The following COL4A4 variants were observed in gnomAD, a reference collection of about 807,000 sequenced individuals.
COL4A4 encodes the protein collagen type IV alpha 4 chain, also known as collagen alpha-4(IV) chain.
COL4A4 carries 105 observed loss-of-function variants against 192.9 expected under a neutral mutation model. The observed-to-expected ratio is 0.54, with a 90% CI of 0.46 to 0.64. The LOEUF is 0.64. Among genes scored for constraint, COL4A4 ranks in the 30% least tolerant of loss-of-function variants. The pLI is 0.00. For synonymous variants in COL4A4, 762 were observed against 769.9 expected (o/e 0.99, Z 0.17); for missense variants, 1,967 against 2,169.3 (o/e 0.91, Z 1.85).
chr2:227,008,345 C>T lies in COL4A4; in HGVS notation c.4523-41G>A, dbSNP rs749719505. 2.5e-6 allele frequency: 4 copies of T among 1,604,380 alleles called. No homozygotes were observed. The South Asian group carries it at 4.4e-5, about 18-fold the overall frequency. On this transcript the variant is annotated intron_variant, in intron 46 of 47. Transcript: ENST00000396625. ...AGAGACAGCTGGTGTCCAAGCACCC[C>T]ATGTAGGTGTTCCCAGACCCTTCCT...
At chr2:226,969,159 G>A in the COL4A4 span, 1 of 154,642 alleles carries the variant, frequency 6.5e-6, no homozygotes, top group Non-Finnish European at 1.4e-5. Flanking sequence ...GGTGGCAGTA[G>A]CATTGGTGAG....
In COL4A4 at chr2:227,012,357, C is replaced by T. The variant is rs147458871; in HGVS notation, c.4217-60G>A. The stretch of plus-strand genomic sequence containing the variant: ...AACCATGACACCTGCTAGCATTTAC[C>T]GTGCTTATACCGTATGCCAGCCGTG... On this transcript the variant is annotated intron_variant, in intron 44 of 47. Coordinates refer to ENST00000396625, the MANE Select transcript of COL4A4 (RefSeq NM_000092.5). The T allele has an allele frequency of 1.6e-4, 221 of 1,341,502 alleles. No individual in the cohort carries two copies. The African/African-American group carries it at 2.3e-3, about 14-fold the overall frequency. The allele number at this position is 1,341,502 out of a possible 1,614,324, so 83.1% of individuals were successfully genotyped here.
chr2:227,081,916 T>A (rs1050158755), intron 23 of COL4A4, among the ~76,000 whole-genome samples, 199 bp downstream of exon 23: 4 of 152,208 alleles, frequency 2.6e-5, no homozygotes, highest in Non-Finnish European at 4.4e-5. Context: ...AAGGAATATT[T>A]ATGTTTTCAA....
At chr2:227,128,450 A>C (rs766821106) in intron 4 of COL4A4, among the ~76,000 whole-genome samples, 1 of 151,968 alleles carries the variant, frequency 6.6e-6, no homozygotes, top group Non-Finnish European at 1.5e-5. Flanking sequence ...TATATCCCCA[A>C]CTGTTTTCTA....
Position 227,047,470 on chromosome 2 carries a change from T to C in COL4A4, c.3289+5A>G. 1 of 1,610,778 alleles carries C rather than the reference T, an allele frequency of 6.2e-7. No homozygotes were observed. The highest frequency in any genetic ancestry group is 1.1e-5 in the South Asian group (1 of 90,994). Reference sequence around the variant, plus strand: ...TGTTTTAGTAAGAAAAATATGCAGCTATACCTGGACATCCAGGGCTACCTG... The same window carrying C: ...TGTTTTAGTAAGAAAAATATGCAGCCATACCTGGACATCCAGGGCTACCTG... On this transcript the variant is annotated splice_donor_5th_base_variant and intron_variant, in intron 35 of 47. Transcript: ENST00000396625.
Position 227,041,858 on chromosome 2 carries a change from GAAAGAA to G in COL4A4, c.3505+284_3505+289del, listed in dbSNP as rs1286990046. ...AAAGAAAGAAAGAAAGAGAAAGAAA[GAAAGAA>G]AGAAAGAAAGAAAGAAAGAAAGAAA... On this transcript the variant is annotated intron_variant, in intron 37 of 47. Transcript: ENST00000396625. Among the ~76,000 whole-genome samples, 258 of 98,538 alleles carry G rather than the reference GAAAGAA, an allele frequency of 2.6e-3. 8 individuals carry two copies. Among genetic ancestry groups the G allele is most frequent in the South Asian group, 6.4e-3 (18 of 2,796 alleles). 64.6% of individuals were successfully genotyped at this position (98,538 alleles called of 152,430 possible).
intron 4 of COL4A4, among the ~76,000 whole-genome samples, chr2:227,138,519 G>A (rs954345758): frequency 1.3e-5 from 2 of 151,880 alleles, no homozygotes; most frequent in African/African-American, 4.8e-5. Flanking sequence ...TGTAGTCCCA[G>A]CTACTGAGGA....
intron 4 of COL4A4, among the ~76,000 whole-genome samples, chr2:227,126,409 T>C (rs1354753305): frequency 6.6e-6 from 1 of 152,218 alleles, no homozygotes; most frequent in East Asian, 1.9e-4. Context: ...CACAGCAAAC[T>C]GTGCAGAGTA....
intron 4 of COL4A4, among the ~76,000 whole-genome samples, chr2:227,134,409 A>G (rs898653851): frequency 6.6e-6 from 1 of 152,208 alleles, no homozygotes; most frequent in East Asian, 1.9e-4. Context: ...ACCTTTGCCA[A>G]CTTCTAATTG....
chr2:227,026,267 G>A (rs1039462986), intron 42 of COL4A4, among the ~76,000 whole-genome samples: 2 of 152,160 alleles, frequency 1.3e-5, no homozygotes. Flanking sequence ...GGAGGCCAAG[G>A]CGGGTGGATC....
intron 20 of COL4A4, among the ~76,000 whole-genome samples, chr2:227,090,199 C>T (rs1468003104): frequency 1.3e-5 from 2 of 152,138 alleles, no homozygotes; most frequent in African/African-American, 4.8e-5. Context: ...CAACCCTAAT[C>T]TCAGCCCTAC....
At chr2:227,091,884 A>G (rs1311125506) in intron 20 of COL4A4, among the ~76,000 whole-genome samples, 1 of 147,958 alleles carries the variant, frequency 6.8e-6, no homozygotes, top group Non-Finnish European at 1.5e-5. Context: ...CAAGAGTAAC[A>G]CTCTGTCTCA....
In COL4A4 at chr2:227,055,504, AT is replaced by A. The variant is rs753316455; in HGVS notation, c.2716+440del. ...AGCAAGCCTCTGTCTCCTAAAAAAA[AT>A]AATAATAATAAAATAAAAAAATAAA... On this transcript the variant is annotated intron_variant, in intron 30 of 47. Transcript: ENST00000396625. Among the ~76,000 whole-genome samples the A allele has an allele frequency of 1.5e-3, 225 of 152,054 alleles. 5 individuals are homozygous for A. Among genetic ancestry groups the A allele is most frequent in the Non-Finnish European group, 4.4e-4 (30 of 67,976 alleles).
At position 227,059,617 on chromosome 2, in the gene COL4A4, C is replaced by T. The variant is rs200146486; in HGVS notation, c.2171G>A (p.Arg724His). The T allele has an allele frequency of 7.5e-5, 121 of 1,613,414 alleles. No individual in the cohort carries two copies. Among genetic ancestry groups the T allele is most frequent in the Non-Finnish European group, 8.9e-5 (105 of 1,179,896 alleles). ...AAAACCCGGATCTCCCATGTCACCA[C>T]GAAAACCTATTTAACAACAAAAAAA... ...TAEIPGPPGFRGDMGDPGFGG... is the reference protein window; with the variant it reads ...TAEIPGPPGFHGDMGDPGFGG... Residue 724 changes from arginine (R) to histidine (H), a missense_variant, in exon 28 of 48, where the codon CGT becomes CAT. Transcript: ENST00000396625.
chr2:227,020,455 A>G (rs1360461249), intron 44 of COL4A4, among the ~76,000 whole-genome samples: 1 of 152,194 alleles, frequency 6.6e-6, no homozygotes, highest in African/African-American at 2.4e-5. Context: ...CAATAAACAC[A>G]CACAACGAAA....
At chr2:227,047,638 G>C (rs1184252294) in intron 34 of COL4A4, 89 bp from the exon 35 acceptor site, 6 of 807,372 alleles carry the variant, frequency 7.4e-6, no homozygotes, top group Admixed American at 4.0e-5. Context: ...TATTTGTATA[G>C]CTTATCTTCA....
intron 3 of COL4A4, among the ~76,000 whole-genome samples, chr2:227,141,514 A>C (rs992833643): frequency 2.0e-5 from 3 of 152,168 alleles, no homozygotes; most frequent in Admixed American, 6.6e-5. Flanking sequence ...TAATCAGCAT[A>C]TATTATTTTT....
chr2:227,164,453 C>G (rs1345087051), upstream of COL4A4: 3 of 545,972 alleles, frequency 5.5e-6, no homozygotes, highest in African/African-American at 2.0e-5. This position sits in a 1 kb window ranked among gnomAD's most constrained non-coding sequence, Gnocchi z 4.8. Flanking sequence ...CTCCTGGGCA[C>G]GATGCCCGGG....
In COL4A4 at chr2:227,123,240, G is replaced by A. The variant is rs1300169483; in HGVS notation, c.193-2092C>T. On this transcript the variant is annotated intron_variant, in intron 4 of 47. Transcript: ENST00000396625. The surrounding 1 kb of genome is among the most constrained non-coding windows in gnomAD (Gnocchi z 4.6). ...AGGAGGGAGATGGGGCAGGAGCCCC[G>A]TAAAAATAGTGCAAGAACATTCACC... Among the ~76,000 whole-genome samples the A allele has an allele frequency of 4.6e-5, 7 of 152,184 alleles. No individual in the cohort carries two copies. Among genetic ancestry groups the A allele is most frequent in the South Asian group, 2.1e-4 (1 of 4,832 alleles).
Sources: gnomAD v4.1 joint callset for allele counts (sites outside exome capture counted in the v4.1 genomes callset) on GRCh38, gnomAD v4.1.1 for gene constraint, Gnocchi (gnomAD v3.1) non-coding constraint, MANE v1.5 for transcripts, NCBI Gene and HGNC (gene_info 2026-07-23, HGNC 2026-07-21) for gene names.